Variants in MTHFD1L observed in about 807,000 individuals in gnomAD.
The protein encoded by MTHFD1L is methylenetetrahydrofolate dehydrogenase (NADP+ dependent) 1 like.
MTHFD1L carries 81 observed loss-of-function variants against 119.5 expected under a neutral mutation model. The ratio of observed to expected loss-of-function variants is 0.68; its 90% CI spans 0.57 to 0.82. MTHFD1L has a LOEUF of 0.82. MTHFD1L is among the 40% of genes least tolerant of loss of function. The pLI is 0.00. For missense variants in MTHFD1L, 1,125 were observed against 1,253.4 expected (o/e 0.90, Z 1.55); for synonymous variants, 430 against 475.2 (o/e 0.90, Z 1.24).
chr6:150,973,860 C>T (rs1776145811), intron 20 of MTHFD1L, among the ~76,000 whole-genome samples: 1 of 151,988 alleles, frequency 6.6e-6, no homozygotes, highest in African/African-American at 2.4e-5. Context: ...GAATTGGAGC[C>T]CTGACTGGTA....
chr6:150,922,091 T>C lies in MTHFD1L; in HGVS notation c.985-114T>C, dbSNP rs1438449318. On this transcript the variant is annotated intron_variant, in intron 9 of 27. Coordinates refer to ENST00000367321, the MANE Select transcript of MTHFD1L (RefSeq NM_015440.5). ...TTCCTAATATCCTCCTGGCTTATTG[T>C]GCGACTCGATAATCTTGTTTTGTAA... 9 of 750,782 alleles carry C rather than the reference T, an allele frequency of 1.2e-5. No homozygotes were observed. In the South Asian group the frequency reaches 1.4e-4, roughly 12 times the overall value. 46.5% of individuals were successfully genotyped at this position (750,782 alleles called of 1,614,324 possible).
In MTHFD1L at chr6:150,926,319, T is replaced by G. The variant is rs368194641; in HGVS notation, c.1256+24T>G. The G allele has an allele frequency of 1.9e-6, 3 of 1,592,460 alleles. No individual in the cohort carries two copies. Among genetic ancestry groups the G allele is most frequent in the Non-Finnish European group, 2.6e-6 (3 of 1,163,812 alleles). ...GGGTAAGACACCATCTAACATCTACTTGATCAAGCAGACATATTTACAAAA... is the reference window on the plus strand; with the variant it reads ...GGGTAAGACACCATCTAACATCTACGTGATCAAGCAGACATATTTACAAAA... On this transcript the variant is annotated intron_variant, in intron 11 of 27. Transcript: ENST00000367321. This position sits in a 1 kb window ranked among gnomAD's most constrained non-coding sequence, Gnocchi z 4.3.
At chr6:150,932,505 C>T (rs1791232038) in intron 11 of MTHFD1L, among the ~76,000 whole-genome samples, 1 of 152,110 alleles carries the variant, frequency 6.6e-6, no homozygotes, top group African/African-American at 2.4e-5. Context: ...GGCGTGGTGG[C>T]TCACGCCTGT....
chr6:150,887,802 C>T, intron 6 of MTHFD1L, 43 bp from the exon 7 acceptor site: 2 of 1,536,588 alleles, frequency 1.3e-6, no homozygotes, highest in Non-Finnish European at 1.7e-6. Context: ...AAGGAAGGAT[C>T]TGAAGTTTTG....
At chr6:151,025,294 TCCAG>T (rs1784475869) in intron 24 of MTHFD1L, among the ~76,000 whole-genome samples, 3 of 152,242 alleles carry the variant, frequency 2.0e-5, no homozygotes, top group Admixed American at 6.5e-5. Flanking sequence ...TGTGCTGATT[TCCAG>T]CCAAGGACAT....
In MTHFD1L at chr6:151,034,417, C is replaced by A. The variant is rs115095063; in HGVS notation, c.2587-76C>A. ...AAGGGAATTTTAAGCAATTACAGAACATCTCACTAAAGTTTTTAAAAAATC... is the reference window on the plus strand; with the variant it reads ...AAGGGAATTTTAAGCAATTACAGAAAATCTCACTAAAGTTTTTAAAAAATC... On this transcript the variant is annotated intron_variant, in intron 24 of 27. Coordinates refer to ENST00000367321, the MANE Select transcript of MTHFD1L (RefSeq NM_015440.5). The A allele has an allele frequency of 3.2e-3, 3,085 of 974,394 alleles. 46 individuals are homozygous for A. The African/African-American group carries it at 0.04, about 13-fold the overall frequency. 60.4% of individuals were successfully genotyped at this position (974,394 alleles called of 1,614,324 possible). A position where few individuals can be genotyped will look rare whatever the true frequency, so the allele number is the denominator to read the frequency against.
At chr6:151,049,446 C>G (rs1323782430) in intron 26 of MTHFD1L, among the ~76,000 whole-genome samples, 2 of 150,442 alleles carry the variant, frequency 1.3e-5, no homozygotes, top group Admixed American at 1.3e-4. Flanking sequence ...GAGCGGAGAT[C>G]GCGCCACTGC....
intron 26 of MTHFD1L, among the ~76,000 whole-genome samples, chr6:151,090,924 A>G (rs1005460874): frequency 1.5e-5 from 2 of 133,100 alleles, no homozygotes; most frequent in African/African-American, 3.1e-5. Context: ...GCATCGTTCC[A>G]TGCGACTGGG....
chr6:151,084,252 C>T lies in MTHFD1L; in HGVS notation c.2848-8215C>T, dbSNP rs558189719. 3.4e-4 allele frequency among the ~76,000 whole-genome samples: 52 copies of T among 152,294 alleles called. No individual in the cohort carries two copies. The South Asian group carries it at 0.01, about 30-fold the overall frequency. On this transcript the variant is annotated intron_variant, in intron 26 of 27. Coordinates refer to ENST00000367321, the MANE Select transcript of MTHFD1L (RefSeq NM_015440.5). ...AGACATTCTGTCTTACACTGGATCACACGAGATGTGGATATTTGGCCCGGA... is the reference window on the plus strand; with the variant it reads ...AGACATTCTGTCTTACACTGGATCATACGAGATGTGGATATTTGGCCCGGA...
At chr6:151,081,507 A>AT in intron 26 of MTHFD1L, among the ~76,000 whole-genome samples, 1 of 42,890 alleles carries the variant, frequency 2.3e-5, no homozygotes, top group Non-Finnish European at 7.1e-5. Flanking sequence ...GCAAAAAAAA[A>AT]AAAAAAAAAA....
In MTHFD1L at chr6:150,916,001, A is replaced by G. The variant is rs528181595; in HGVS notation, c.893-2576A>G. Reference sequence around the variant, plus strand: ...ACAGATCTCTAGTGGTTAAAACGAAACACAACAATTCTCTCTCATCCTCTA... The same window carrying G: ...ACAGATCTCTAGTGGTTAAAACGAAGCACAACAATTCTCTCTCATCCTCTA... On this transcript the variant is annotated intron_variant, in intron 8 of 27. Coordinates refer to ENST00000367321, the MANE Select transcript of MTHFD1L (RefSeq NM_015440.5). Among the ~76,000 whole-genome samples the G allele has an allele frequency of 9.5e-4, 144 of 152,318 alleles. 1 individual carries two copies. The highest frequency in any genetic ancestry group is 3.3e-3 in the African/African-American group (139 of 41,578).
At chr6:151,003,856 G>A (rs1584067033) in intron 20 of MTHFD1L, among the ~76,000 whole-genome samples, 1 of 152,196 alleles carries the variant, frequency 6.6e-6, no homozygotes, top group African/African-American at 2.4e-5. Context: ...ACCACACTGG[G>A]CTTTGTGTCA....
At chr6:151,001,603 C>T (rs1780630977) in intron 20 of MTHFD1L, among the ~76,000 whole-genome samples, 1 of 152,070 alleles carries the variant, frequency 6.6e-6, no homozygotes, top group Non-Finnish European at 1.5e-5. Flanking sequence ...TGGTGCCTGG[C>T]TGGGGGAGGT....
intron 26 of MTHFD1L, among the ~76,000 whole-genome samples, chr6:151,041,224 A>G (rs1262739765): frequency 1.3e-5 from 2 of 152,232 alleles, no homozygotes; most frequent in Non-Finnish European, 2.9e-5. Context: ...AGGAAGCTGC[A>G]TGTGTAGTGG....
intron 7 of MTHFD1L, among the ~76,000 whole-genome samples, chr6:150,888,817 A>C (rs191880338): frequency 6.6e-6 from 1 of 152,336 alleles, no homozygotes; most frequent in Admixed American, 6.5e-5. Flanking sequence ...GGAACAGAAG[A>C]AAGTGGAAAT....
intron 27 of MTHFD1L, among the ~76,000 whole-genome samples, chr6:151,094,151 TC>T (rs1438303287): frequency 6.6e-6 from 1 of 152,084 alleles, no homozygotes; most frequent in Non-Finnish European, 1.5e-5. Flanking sequence ...ACACATTCTT[TC>T]CCCGCAAGCA....
chr6:151,097,169 T>C (rs1231349648), intron 27 of MTHFD1L, among the ~76,000 whole-genome samples: 1 of 152,170 alleles, frequency 6.6e-6, no homozygotes, highest in Non-Finnish European at 1.5e-5. Flanking sequence ...TCTGGCAAAT[T>C]TCCTGAAGAA....
At chr6:150,971,142 C>T (rs1797950576) in intron 19 of MTHFD1L, among the ~76,000 whole-genome samples, 1 of 152,164 alleles carries the variant, frequency 6.6e-6, no homozygotes, top group Non-Finnish European at 1.5e-5. Flanking sequence ...TCCAGTTAGA[C>T]ACCACCTGTG....
At chr6:150,871,639 C>T (rs1779534648) in intron 1 of MTHFD1L, among the ~76,000 whole-genome samples, 1 of 149,442 alleles carries the variant, frequency 6.7e-6, no homozygotes, top group Non-Finnish European at 1.5e-5. Flanking sequence ...GTAGCTGAGA[C>T]TACAGGCGCC....
Sources: allele counts gnomAD v4.1 joint callset (sites outside exome capture counted in the v4.1 genomes callset), GRCh38; gene constraint gnomAD v4.1.1; non-coding constraint Gnocchi (gnomAD v3.1); transcripts MANE v1.5; gene names NCBI Gene and HGNC (gene_info 2026-07-23, HGNC 2026-07-21).